Variants in SELENOT observed in about 807,000 individuals in gnomAD.
The protein encoded by SELENOT is selenoprotein T, also known as thioredoxin reductase-like selenoprotein T.
A neutral mutation model predicts 24.3 loss-of-function variants in SELENOT; 9 were observed. The observed-to-expected ratio is 0.37, with a 90% CI of 0.22 to 0.65. The LOEUF is 0.65. Among genes scored for constraint, SELENOT ranks in the 30% least tolerant of loss-of-function variants. The pLI is 0.60. For synonymous variants in SELENOT, 81 were observed against 86.0 expected (o/e 0.94, Z 0.32); for missense variants, 166 against 247.6 (o/e 0.67, Z 2.21).
At chr3:150,603,523 G>A in intron 1 of SELENOT, 24 bp downstream of exon 1, 1 of 1,554,892 alleles carries the variant, frequency 6.4e-7, no homozygotes. Context: ...CTGGGCCCCG[G>A]CCACCCCGCC....
At chr3:150,611,130 T>G (rs1403871609) in intron 1 of SELENOT, 4 of 584,932 alleles carry the variant, frequency 6.8e-6, no homozygotes, top group South Asian at 6.7e-5. Flanking sequence ...TCCAACTAAT[T>G]ATTAGAGTCA....
Position 150,623,033 on chromosome 3 carries a change from C to A in SELENOT, c.249-10C>A. On this transcript the variant is annotated splice_polypyrimidine_tract_variant and intron_variant, in intron 2 of 5. Coordinates refer to ENST00000471696, the MANE Select transcript of SELENOT (RefSeq NM_016275.5). ...GGCTTCTGATGATTTTCTTTCTTTT[C>A]TTTTGATAGACACATAGCATCTTTC... 1 of 1,515,514 alleles carries A rather than the reference C, an allele frequency of 6.6e-7. No individual in the cohort carries two copies. Among genetic ancestry groups the A allele is most frequent in the Non-Finnish European group, 8.8e-7 (1 of 1,132,234 alleles). The allele number at this position is 1,515,514 out of a possible 1,614,324, so 93.9% of individuals were successfully genotyped here. A position where few individuals can be genotyped will look rare whatever the true frequency, so the allele number is the denominator to read the frequency against.
chr3:150,607,160 CG>C (rs1324779753), intron 1 of SELENOT, among the ~76,000 whole-genome samples: 1 of 152,084 alleles, frequency 6.6e-6, no homozygotes, highest in Non-Finnish European at 1.5e-5. Flanking sequence ...TAGAATATGG[CG>C]GGATTTTCAA....
chr3:150,606,125 G>GT (rs201467838), intron 1 of SELENOT, among the ~76,000 whole-genome samples: 34,150 of 139,744 alleles, frequency 0.24, 4,454 homozygotes, highest in East Asian at 0.43. Context: ...TCCTATTCTC[G>GT]TTTTTTTTTT....
chr3:150,610,325 A>G (rs1392445575), intron 1 of SELENOT, among the ~76,000 whole-genome samples: 2 of 152,188 alleles, frequency 1.3e-5, no homozygotes, highest in Non-Finnish European at 2.9e-5. Flanking sequence ...CATTAAGCAG[A>G]ACTACTTATG....
chr3:150,623,188 T>G lies in SELENOT; in HGVS notation c.375+19T>G, dbSNP rs755724299. The G allele has an allele frequency of 1.9e-6, 3 of 1,568,310 alleles. No homozygotes were observed. The highest frequency in any genetic ancestry group is 2.7e-5 in the African/African-American group (2 of 72,948). On this transcript the variant is annotated intron_variant, in intron 3 of 5. Transcript: ENST00000471696. ...AAATAAGGTATGTAACTTAATAGCTTTGGTAACTGTAGGTTTTTATGTTGT... is the reference window on the plus strand; with the variant it reads ...AAATAAGGTATGTAACTTAATAGCTGTGGTAACTGTAGGTTTTTATGTTGT...
At chr3:150,613,550 A>G (rs1726145040) in intron 1 of SELENOT, among the ~76,000 whole-genome samples, 1 of 151,992 alleles carries the variant, frequency 6.6e-6, no homozygotes, top group South Asian at 2.1e-4. Flanking sequence ...GTGTTATGTG[A>G]TATAAATTGC....
At chr3:150,623,504 T>A (rs1576534557) in intron 3 of SELENOT, among the ~76,000 whole-genome samples, 2 of 152,154 alleles carry the variant, frequency 1.3e-5, no homozygotes, top group East Asian at 3.9e-4. Context: ...ATATACATAA[T>A]GCAGGCCTTT....
chr3:150,604,860 AC>A (rs1409869529), intron 1 of SELENOT, among the ~76,000 whole-genome samples: 1 of 151,590 alleles, frequency 6.6e-6, no homozygotes, highest in Admixed American at 6.6e-5. Context: ...ACATGGAGAA[AC>A]CCCCATCTCT....
intron 1 of SELENOT, among the ~76,000 whole-genome samples, chr3:150,612,344 C>T (rs1726114963): frequency 6.6e-6 from 1 of 152,126 alleles, no homozygotes; most frequent in Non-Finnish European, 1.5e-5. Context: ...TGGCCCTCCT[C>T]GGCCTCCCAA....
intron 1 of SELENOT, among the ~76,000 whole-genome samples, chr3:150,606,157 T>G (rs913432941): frequency 4.6e-5 from 7 of 150,748 alleles, no homozygotes; most frequent in Non-Finnish European, 8.9e-5. Flanking sequence ...TTCCTTTTTT[T>G]TTTTTTTTGC....
intron 3 of SELENOT, among the ~76,000 whole-genome samples, chr3:150,623,411 TTAG>T (rs764263294): frequency 2.8e-4 from 42 of 152,062 alleles, no homozygotes; most frequent in Non-Finnish European, 5.4e-4. Context: ...AGGTGTTAAT[TTAG>T]TATAACCTGG....
chr3:150,622,563 T>A, intron 2 of SELENOT, 68 bp downstream of exon 2: 1 of 654,830 alleles, frequency 1.5e-6, no homozygotes, highest in Non-Finnish European at 2.4e-6. Context: ...TGAATTGGTT[T>A]AATTAGCTGT....
chr3:150,623,269 G>A, intron 3 of SELENOT, 100 bp downstream of exon 3: 1 of 1,089,604 alleles, frequency 9.2e-7, no homozygotes, highest in African/African-American at 1.6e-5. Flanking sequence ...TGATTCACCT[G>A]TTAACATGTA....
rs1726474021 is a variant in SELENOT, at chr3:150,627,790, G to A, written c.*161G>A. 6.6e-6 allele frequency: 1 copy of A among 152,628 alleles called. No individual in the cohort carries two copies. Among genetic ancestry groups the A allele is most frequent in the Non-Finnish European group, 1.5e-5 (1 of 68,064 alleles). The allele number at this position is 152,628 out of a possible 1,614,324, so 9.5% of individuals were successfully genotyped here. On this transcript the variant is annotated 3_prime_UTR_variant, in exon 6 of 6. Transcript: ENST00000471696. ...TACCTCTTGGAAAACCTCAATGCAA[G>A]ATAGTGTTTCAGTGCTGGCATATTT...
chr3:150,614,004 G>A (rs1449095724), intron 1 of SELENOT, among the ~76,000 whole-genome samples: 2 of 151,884 alleles, frequency 1.3e-5, no homozygotes, highest in Non-Finnish European at 1.5e-5. Flanking sequence ...GTACATTTTA[G>A]GTTTATTTTT....
At chr3:150,620,039 T>G (rs1384864269) in intron 1 of SELENOT, among the ~76,000 whole-genome samples, 1 of 152,204 alleles carries the variant, frequency 6.6e-6, no homozygotes. Context: ...ATTAGCTAAA[T>G]TCTATTTGGA....
intron 1 of SELENOT, among the ~76,000 whole-genome samples, chr3:150,618,472 G>C (rs750213052): frequency 6.6e-6 from 1 of 152,192 alleles, no homozygotes; most frequent in Non-Finnish European, 1.5e-5. Context: ...GTAGGCATTT[G>C]ACTCCAATTA....
At chr3:150,618,221 T>C (rs1726261816) in intron 1 of SELENOT, among the ~76,000 whole-genome samples, 1 of 152,188 alleles carries the variant, frequency 6.6e-6, no homozygotes, top group Non-Finnish European at 1.5e-5. Context: ...TGTTACAGGT[T>C]TGTATTTCTG....
Sources: gnomAD v4.1 joint callset for allele counts (sites outside exome capture counted in the v4.1 genomes callset) on GRCh38, gnomAD v4.1.1 for gene constraint, MANE v1.5 for transcripts, NCBI Gene and HGNC (gene_info 2026-07-23, HGNC 2026-07-21) for gene names.